Variants in MON2 observed in about 807,000 individuals in gnomAD.
The protein encoded by MON2 is protein MON2 homolog.
Under a neutral mutation model 208.6 loss-of-function variants are expected in MON2, and 84 were observed. That is an observed-to-expected ratio of 0.40 (90% CI 0.34 to 0.48). The LOEUF (loss-of-function observed/expected upper bound fraction) is 0.48, where lower values mean the gene tolerates loss of function less well. MON2 is among the 20% of genes least tolerant of loss of function. The pLI, the probability that MON2 is intolerant of heterozygous loss-of-function variation, is 0.59. For synonymous variants in MON2, 660 were observed against 694.0 expected, an observed-to-expected ratio of 0.95 and a Z score of 0.77; for missense variants, 1,611 against 2,015.4, an observed-to-expected ratio of 0.80 and a Z score of 3.84.
chr12:62,477,581 ATTT>A (rs541530436), intron 1 of MON2, among the ~76,000 whole-genome samples: 4 of 128,502 alleles, frequency 3.1e-5, no homozygotes, highest in Admixed American at 8.3e-5. Context: ...CGTTTGCCTA[ATTT>A]TTTTTTTTTT....
At chr12:62,570,225 A>G (rs1272842741) in intron 29 of MON2, among the ~76,000 whole-genome samples, 1 of 152,196 alleles carries the variant, frequency 6.6e-6, no homozygotes, top group Non-Finnish European at 1.5e-5. Flanking sequence ...TAGTCACTAT[A>G]TATCTAGTCA....
In MON2 at chr12:62,538,113, G is replaced by A; in HGVS notation, c.2136G>A (p.Leu712=). 1 of 1,613,408 alleles carries A rather than the reference G, an allele frequency of 6.2e-7. No individual in the cohort carries two copies. The stretch of plus-strand genomic sequence containing the variant: ...TTTTACAGCATCTTGTGTGGATTCT[G>A]GGATTAAAGCCTAGTAGTGGCGGTG... ...LATLQHLVWI[L]GLKPSSGGAL... The change falls in exon 17 of 35, where the codon CTG becomes CTA. Residue 712 remains leucine (L), a synonymous_variant. Coordinates refer to ENST00000393630, the MANE Select transcript of MON2 (RefSeq NM_015026.3).
At position 62,592,700 on chromosome 12, in the gene MON2, A is replaced by C. The variant is rs977278555; in HGVS notation, c.5105A>C (p.Lys1702Thr). 7 of 1,607,398 alleles carry C rather than the reference A, an allele frequency of 4.4e-6. No homozygotes were observed. The highest frequency in any genetic ancestry group is 1.7e-5 in the Admixed American group (1 of 59,954). ...SALKEALVPFKDFMQPPASRV... is the reference protein window; with the variant it reads ...SALKEALVPFTDFMQPPASRV... ...CTTAAAGAGGCACTAGTTCCTTTTAAGGATTTCATGCAGCCACCAGCATCC... is the reference window on the plus strand; with the variant it reads ...CTTAAAGAGGCACTAGTTCCTTTTACGGATTTCATGCAGCCACCAGCATCC... The change falls in exon 35 of 35, where the codon AAG becomes ACG. Residue 1702 changes from lysine to threonine, a missense_variant. By Grantham distance (78) the Lys-to-Thr change is moderately conservative. Coordinates refer to ENST00000393630, the MANE Select transcript of MON2 (RefSeq NM_015026.3).
intron 21 of MON2, 36 bp from the exon 22 acceptor site, chr12:62,546,861 C>T: frequency 6.6e-7 from 1 of 1,511,324 alleles, no homozygotes; most frequent in South Asian, 1.3e-5. Flanking sequence ...TCTTTTTGGA[C>T]TTCTCTTCCT....
chr12:62,491,655 G>A (rs759354444), intron 2 of MON2, among the ~76,000 whole-genome samples: 3 of 152,026 alleles, frequency 2.0e-5, no homozygotes, highest in African/African-American at 4.8e-5. Flanking sequence ...GAAGACATAC[G>A]GTATTTTCAA....
rs1000948350 is a variant in MON2, at chr12:62,579,459, C to A, written c.4576-838C>A. 2.6e-5 allele frequency among the ~76,000 whole-genome samples: 4 copies of A among 151,360 alleles called. No homozygotes were observed. The South Asian group carries it at 8.3e-4, about 31-fold the overall frequency. ...ATACATTTGGCCGGGCGCGGTGGCT[C>A]ACACCTGTAATCTCAGCACTTTGGG... On this transcript the variant is annotated intron_variant, in intron 31 of 34. Coordinates refer to ENST00000393630, the MANE Select transcript of MON2 (RefSeq NM_015026.3).
chr12:62,494,830 G>T (rs1023858425), intron 3 of MON2, among the ~76,000 whole-genome samples, 186 bp from the exon 4 acceptor site: 1 of 152,156 alleles, frequency 6.6e-6, no homozygotes, highest in Non-Finnish European at 1.5e-5. Context: ...TTGAGGGAGA[G>T]AATTGATTGT....
At chr12:62,514,681 A>G (rs1850491916) in intron 8 of MON2, among the ~76,000 whole-genome samples, 1 of 152,222 alleles carries the variant, frequency 6.6e-6, no homozygotes. Context: ...CACAGCCCCA[A>G]ACCATATCCA....
Position 62,534,534 on chromosome 12 carries a change from A to T in MON2, c.1634-311A>T, listed in dbSNP as rs1294725437. 8.1e-3 allele frequency among the ~76,000 whole-genome samples: 378 copies of T among 46,570 alleles called. 10 individuals carry two copies. The highest frequency in any genetic ancestry group is 0.017 in the African/African-American group (181 of 10,534). 30.6% of individuals were successfully genotyped at this position (46,570 alleles called of 152,430 possible). A position where few individuals can be genotyped will look rare whatever the true frequency, so the allele number is the denominator to read the frequency against. ...ACTCCATCGCAAAAAAAAAAAAAAA[A>T]AAAAAAAAATATATATATATATATA... On this transcript the variant is annotated intron_variant, in intron 12 of 34. Coordinates refer to ENST00000393630, the MANE Select transcript of MON2 (RefSeq NM_015026.3).
At chr12:62,522,366 A>G (rs2072090721) in intron 8 of MON2, among the ~76,000 whole-genome samples, 1 of 152,192 alleles carries the variant, frequency 6.6e-6, no homozygotes, top group African/African-American at 2.4e-5. Flanking sequence ...GTTAACTCGG[A>G]CAAGCTCCTG....
At chr12:62,528,093 C>A (rs1417071802) in intron 11 of MON2, among the ~76,000 whole-genome samples, 1 of 151,786 alleles carries the variant, frequency 6.6e-6, no homozygotes, top group Admixed American at 6.6e-5. Flanking sequence ...TTTTTTAGTG[C>A]TATACATACT....
Position 62,566,028 on chromosome 12 carries a change from A to C in MON2, c.4191A>C (p.Ala1397=). The C allele has an allele frequency of 6.2e-7, 1 of 1,611,118 alleles. No individual in the cohort carries two copies. The highest frequency in any genetic ancestry group is 1.1e-5 in the South Asian group (1 of 90,554). ...AATCACAATAGATCCAACTATTTGCACCGGTGAGTTAAATTTCCTAAAATT... is the reference window on the plus strand; with the variant it reads ...AATCACAATAGATCCAACTATTTGCCCCGGTGAGTTAAATTTCCTAAAATT... ...NAKYNQIQLF[A]PAEWVALNYV... The change falls in exon 28 of 35, where the codon GCA becomes GCC. Residue 1397 remains alanine (A), a synonymous_variant. Coordinates refer to ENST00000393630, the MANE Select transcript of MON2 (RefSeq NM_015026.3).
intron 32 of MON2, among the ~76,000 whole-genome samples, chr12:62,584,326 CA>C (rs1284955437): frequency 1.3e-5 from 2 of 152,052 alleles, no homozygotes; most frequent in Non-Finnish European, 2.9e-5. Context: ...TACATGCGCT[CA>C]AAAGTTTTAC....
intron 8 of MON2, among the ~76,000 whole-genome samples, chr12:62,522,134 C>T (rs1365675300): frequency 2.6e-5 from 4 of 152,000 alleles, no homozygotes; most frequent in African/African-American, 9.7e-5. Flanking sequence ...TTGCAGTGAG[C>T]CAAGACTGAG....
chr12:62,551,502 C>T (rs1024497027), intron 23 of MON2, among the ~76,000 whole-genome samples: 8 of 151,982 alleles, frequency 5.3e-5, no homozygotes, highest in Admixed American at 3.9e-4. Flanking sequence ...CATAGATCAC[C>T]ATAACAGACA....
intron 19 of MON2, among the ~76,000 whole-genome samples, chr12:62,539,421 G>T (rs566052707): frequency 1.3e-5 from 2 of 151,802 alleles, no homozygotes; most frequent in Non-Finnish European, 2.9e-5. Context: ...CCGCCACCAC[G>T]CCCGGCTAAT....
chr12:62,550,053 A>G (rs2073672751), intron 23 of MON2, among the ~76,000 whole-genome samples: 1 of 152,212 alleles, frequency 6.6e-6, no homozygotes, highest in South Asian at 2.1e-4. Context: ...TGGGTTTTAC[A>G]GGGTTTGTCA....
At chr12:62,515,865 A>G (rs926632564) in intron 8 of MON2, among the ~76,000 whole-genome samples, 1 of 152,170 alleles carries the variant, frequency 6.6e-6, no homozygotes, top group Non-Finnish European at 1.5e-5. Flanking sequence ...GATGTGAAAC[A>G]GTTGATACTA....
At chr12:62,527,229 A>G (rs1411909439) in intron 11 of MON2, among the ~76,000 whole-genome samples, 1 of 152,134 alleles carries the variant, frequency 6.6e-6, no homozygotes, top group Non-Finnish European at 1.5e-5. Flanking sequence ...GTTGGAGTAC[A>G]GCCTGGGTAA....
Sources: gnomAD v4.1 joint callset for allele counts (sites outside exome capture counted in the v4.1 genomes callset) on GRCh38, gnomAD v4.1.1 for gene constraint, MANE v1.5 for transcripts, NCBI Gene and HGNC (gene_info 2026-07-23, HGNC 2026-07-21) for gene names.